CCDC192: variants seen among roughly 807,000 people sequenced by gnomAD.
CCDC192 encodes coiled-coil domain-containing protein 192.
intron 5 of CCDC192, among the ~76,000 whole-genome samples, chr5:127,839,702 G>A (rs139563178): frequency 1.2e-3 from 180 of 152,178 alleles, no homozygotes; most frequent in African/African-American, 3.9e-3. Flanking sequence ...GTACAGCCTC[G>A]TGACCTTAGG....
chr5:127,797,502 G>A (rs539763881), intron 4 of CCDC192, among the ~76,000 whole-genome samples: 10 of 151,624 alleles, frequency 6.6e-5, no homozygotes, highest in African/African-American at 2.2e-4. Context: ...TTTATAAATG[G>A]TATTGACTGT....
chr5:127,914,838 A>C (rs2127181210), intron 6 of CCDC192, among the ~76,000 whole-genome samples: 1 of 152,318 alleles, frequency 6.6e-6, no homozygotes, highest in African/African-American at 2.4e-5. Flanking sequence ...CACATGAATA[A>C]ACTGAGGCAC....
chr5:127,851,143 C>T (rs1750778623), intron 5 of CCDC192, among the ~76,000 whole-genome samples: 2 of 152,140 alleles, frequency 1.3e-5, no homozygotes, highest in South Asian at 4.1e-4. Context: ...TGTCTTTGGC[C>T]TGTTTTCTGA....
chr5:127,759,117 C>T (rs1452191284), intron 3 of CCDC192, among the ~76,000 whole-genome samples: 1 of 152,108 alleles, frequency 6.6e-6, no homozygotes, highest in Non-Finnish European at 1.5e-5. Context: ...AGCTTTATGG[C>T]CTTGGGCAAT....
intron 2 of CCDC192, among the ~76,000 whole-genome samples, chr5:127,727,329 G>A (rs1009240479): frequency 7.2e-5 from 11 of 151,992 alleles, no homozygotes; most frequent in East Asian, 1.9e-4. Context: ...AAGATTAGCC[G>A]GGCATGGTGG....
chr5:127,786,682 A>G, intron 3 of CCDC192: 1 of 759,310 alleles, frequency 1.3e-6, no homozygotes, highest in Non-Finnish European at 2.5e-6. Context: ...TAATCTTCCC[A>G]TTGTTGAGTG....
chr5:127,797,752 TATATATATATATATA>T lies in CCDC192; in HGVS notation c.355-353_355-339del, dbSNP rs1554075966. ...GAAGGTATATATATATATATATATA[TATATATATATATATA>T]TATATATATATTTATTTATTTATTT... On this transcript the variant is annotated intron_variant, in intron 4 of 6. Coordinates refer to ENST00000514853, the MANE Select transcript of CCDC192 (RefSeq NM_001317938.2). 1.4e-3 allele frequency among the ~76,000 whole-genome samples: 195 copies of T among 137,078 alleles called. 5 individuals are homozygous for T. The highest frequency in any genetic ancestry group is 4.9e-3 in the African/African-American group (181 of 36,766). 89.9% of individuals were successfully genotyped at this position (137,078 alleles called of 152,430 possible). A position where few individuals can be genotyped will look rare whatever the true frequency, so the allele number is the denominator to read the frequency against.
intron 2 of CCDC192, among the ~76,000 whole-genome samples, chr5:127,718,722 T>C (rs1751784106): frequency 1.3e-5 from 2 of 152,164 alleles, no homozygotes; most frequent in Non-Finnish European, 2.9e-5. Flanking sequence ...AAGCCAGTTT[T>C]GAGGATCATC....
At chr5:127,746,782 T>A (rs562252932) in intron 2 of CCDC192, among the ~76,000 whole-genome samples, 6 of 152,148 alleles carry the variant, frequency 3.9e-5, no homozygotes, top group Non-Finnish European at 8.8e-5. Flanking sequence ...AGAACTTGAC[T>A]GTGGAGCCAG....
intron 6 of CCDC192, among the ~76,000 whole-genome samples, chr5:127,922,418 C>A (rs1309878087): frequency 6.6e-6 from 1 of 152,108 alleles, no homozygotes; most frequent in African/African-American, 2.4e-5. Flanking sequence ...TTATAAATCG[C>A]AATGCTTAAG....
intron 2 of CCDC192, among the ~76,000 whole-genome samples, chr5:127,741,864 AC>A (rs1316116592): frequency 6.6e-6 from 1 of 152,204 alleles, no homozygotes; most frequent in Non-Finnish European, 1.5e-5. Flanking sequence ...ACTGCCTCTT[AC>A]CACCTTCTAA....
intron 2 of CCDC192, among the ~76,000 whole-genome samples, chr5:127,716,275 A>G (rs562998924): frequency 1.5e-3 from 226 of 152,034 alleles, no homozygotes; most frequent in African/African-American, 5.2e-3. Flanking sequence ...TTGATGTGCT[A>G]TTGGATTGGA....
intron 5 of CCDC192, among the ~76,000 whole-genome samples, chr5:127,813,623 T>G (rs1254362412): frequency 2.0e-5 from 3 of 152,164 alleles, no homozygotes; most frequent in African/African-American, 4.8e-5. Context: ...TGCTTGAGCC[T>G]TTATGACTGA....
At chr5:127,721,259 A>G (rs1752005967) in intron 2 of CCDC192, among the ~76,000 whole-genome samples, 1 of 152,234 alleles carries the variant, frequency 6.6e-6, no homozygotes, top group African/African-American at 2.4e-5. Flanking sequence ...GCCAGCGCAT[A>G]TCTTGAATGC....
At chr5:127,809,700 A>G (rs1472182838) in intron 5 of CCDC192, among the ~76,000 whole-genome samples, 1 of 152,180 alleles carries the variant, frequency 6.6e-6, no homozygotes, top group Non-Finnish European at 1.5e-5. Context: ...ATCCCCAGCT[A>G]TTTATGATAA....
At chr5:127,851,215 A>G (rs983274066) in intron 5 of CCDC192, among the ~76,000 whole-genome samples, 1 of 152,170 alleles carries the variant, frequency 6.6e-6, no homozygotes, top group African/African-American at 2.4e-5. Flanking sequence ...TATGATTTAC[A>G]ACTAAGAACC....
At chr5:127,804,014 A>G (rs1331617586) in intron 5 of CCDC192, among the ~76,000 whole-genome samples, 1 of 152,166 alleles carries the variant, frequency 6.6e-6, no homozygotes, top group Non-Finnish European at 1.5e-5. Flanking sequence ...CAGGGTGAGG[A>G]ACTCAGGGCA....
At chr5:127,753,774 A>G (rs1166561975) in intron 2 of CCDC192, among the ~76,000 whole-genome samples, 1 of 152,040 alleles carries the variant, frequency 6.6e-6, no homozygotes, top group Non-Finnish European at 1.5e-5. Flanking sequence ...GGCTCTGGGG[A>G]AGAATGATCT....
intron 3 of CCDC192, among the ~76,000 whole-genome samples, chr5:127,788,819 A>C (rs796837617): frequency 3.3e-5 from 5 of 152,206 alleles, no homozygotes; most frequent in African/African-American, 1.2e-4. Context: ...CTGAATATTT[A>C]CACCTCCTCC....
Sources: gnomAD v4.1 joint callset for allele counts (sites outside exome capture counted in the v4.1 genomes callset) on GRCh38, gnomAD v4.1.1 for gene constraint, MANE v1.5 for transcripts, NCBI Gene and HGNC (gene_info 2026-07-23, HGNC 2026-07-21) for gene names.